Variants in PTPRN2 observed in about 807,000 individuals in gnomAD.
The protein encoded by PTPRN2 is protein tyrosine phosphatase receptor type N2, also known as receptor-type tyrosine-protein phosphatase N2.
In PTPRN2, 74 loss-of-function variants were observed where a neutral mutation model predicts 118.8. The observed-to-expected ratio is 0.62, with a 90% confidence interval of 0.52 to 0.76. PTPRN2 has a LOEUF of 0.76. Among genes scored for constraint, PTPRN2 ranks in the 30% least tolerant of loss-of-function variants. The pLI is 0.00. For missense variants in PTPRN2, 1,481 were observed against 1,394.4 expected, an observed-to-expected ratio of 1.06 and a Z score of -0.99; for synonymous variants, 641 against 608.0, an observed-to-expected ratio of 1.05 and a Z score of -0.80.
chr7:157,757,127 C>A (rs1563076947), intron 12 of PTPRN2, among the ~76,000 whole-genome samples: 1 of 152,144 alleles, frequency 6.6e-6, no homozygotes. Flanking sequence ...CCCCCACCCC[C>A]TAAAGAGATC....
intron 12 of PTPRN2, among the ~76,000 whole-genome samples, chr7:157,768,907 C>T (rs1482172781): frequency 1.3e-5 from 2 of 152,146 alleles, no homozygotes; most frequent in South Asian, 2.1e-4. Context: ...TCGGCGAAGT[C>T]GACACACACA....
rs1438637928 is a variant in PTPRN2 at position 157,881,958 on chromosome 7, G to T, written c.1788+16715C>A. Among the ~76,000 whole-genome samples the T allele has an allele frequency of 1.3e-5, 2 of 152,126 alleles. No homozygotes were observed. Among genetic ancestry groups the T allele is most frequent in the Non-Finnish European group, 2.9e-5 (2 of 68,024 alleles). ...GATGAGAACACATCACCCCAAAAAT[G>T]ACTGTCATACATCAGAACATGCCAC... On this transcript the variant is annotated intron_variant, in intron 12 of 22. Transcript: ENST00000389418. This position sits in a 1 kb window ranked among gnomAD's most constrained non-coding sequence, Gnocchi z 4.7.
chr7:157,920,324 A>G (rs552462449), intron 11 of PTPRN2, among the ~76,000 whole-genome samples: 36 of 152,368 alleles, frequency 2.4e-4, no homozygotes, highest in African/African-American at 8.2e-4. Flanking sequence ...GTGACTGGAA[A>G]GTTCTCTCAA....
At chr7:158,092,630 TAGTC>T (rs1304226184) in intron 10 of PTPRN2, among the ~76,000 whole-genome samples, 3 of 152,286 alleles carry the variant, frequency 2.0e-5, no homozygotes, top group Admixed American at 6.5e-5. Flanking sequence ...TTCTGTTTCT[TAGTC>T]AGTATTATGT....
At chr7:157,564,200 C>T (rs1351580831) in intron 21 of PTPRN2, among the ~76,000 whole-genome samples, 1 of 152,208 alleles carries the variant, frequency 6.6e-6, no homozygotes, top group Non-Finnish European at 1.5e-5. Flanking sequence ...GGTGCGATCT[C>T]AGGTCACTGC....
intron 6 of PTPRN2, among the ~76,000 whole-genome samples, chr7:158,160,291 G>T (rs894583513): frequency 7.2e-5 from 11 of 152,254 alleles, no homozygotes; most frequent in African/African-American, 2.6e-4. Flanking sequence ...CCTCAGTGTT[G>T]GTGGGCGGGC....
intron 13 of PTPRN2, among the ~76,000 whole-genome samples, chr7:157,682,508 A>G (rs546921753): frequency 6.6e-6 from 1 of 152,326 alleles, no homozygotes; most frequent in African/African-American, 2.4e-5. Context: ...ACACGAGGCT[A>G]TCCAAGAAGA....
chr7:158,319,474 A>AGCCTCTCACACACACAC (rs1256486494), intron 2 of PTPRN2, among the ~76,000 whole-genome samples: 3 of 54,446 alleles, frequency 5.5e-5, no homozygotes, highest in African/African-American at 2.4e-4. Context: ...CCTCACACAC[A>AGCCTCTCACACACACAC]AGCACAGCCT....
chr7:158,306,631 A>C (rs4909174), intron 3 of PTPRN2, among the ~76,000 whole-genome samples: 138,522 of 152,224 alleles, frequency 0.91, 63,341 homozygotes, highest in Non-Finnish European at 0.96. Flanking sequence ...AAGCAAGCAA[A>C]CAACAATAAA....
rs1804730645 is a variant in PTPRN2 at position 157,794,343 on chromosome 7, G to T, written c.1788+104330C>A. The stretch of plus-strand genomic sequence containing the variant: ...GCTCACACCTCCCTGCTCCACCCAG[G>T]CTGCCTGCACTTCCGGTTCTGCGTC... On this transcript the variant is annotated intron_variant, in intron 12 of 22. Transcript: ENST00000389418. This position sits in a 1 kb window ranked among gnomAD's most constrained non-coding sequence, Gnocchi z 5.2. Among the ~76,000 whole-genome samples, 1 of 149,218 alleles carries T rather than the reference G, an allele frequency of 6.7e-6. No homozygotes were observed. Among genetic ancestry groups the T allele is most frequent in the African/African-American group, 2.6e-5 (1 of 38,922 alleles).
chr7:157,584,295 C>T (rs1800545141), intron 17 of PTPRN2, among the ~76,000 whole-genome samples: 1 of 152,208 alleles, frequency 6.6e-6, no homozygotes, highest in African/African-American at 2.4e-5. Flanking sequence ...GCCCGTATGT[C>T]TTTCCTCTAC....
At chr7:157,926,165 T>TA (rs1798978532) in intron 11 of PTPRN2, among the ~76,000 whole-genome samples, 37 of 29,406 alleles carry the variant, frequency 1.3e-3, no homozygotes, top group East Asian at 5.8e-3. Context: ...CCTCTATCTG[T>TA]CCACTGATAA....
intron 10 of PTPRN2, among the ~76,000 whole-genome samples, chr7:158,083,510 C>T (rs1232494643): frequency 6.6e-6 from 1 of 152,160 alleles, no homozygotes; most frequent in Non-Finnish European, 1.5e-5. Flanking sequence ...AAAGTTTTCT[C>T]TAAAGGCTGT....
intron 9 of PTPRN2, among the ~76,000 whole-genome samples, chr7:158,130,352 G>A (rs967948646): frequency 7.3e-5 from 11 of 151,054 alleles, no homozygotes; most frequent in Non-Finnish European, 1.3e-4. Context: ...ACATCTACCC[G>A]ACACACACAC....
chr7:158,342,886 A>T (rs1199703339), intron 2 of PTPRN2, among the ~76,000 whole-genome samples: 8 of 151,960 alleles, frequency 5.3e-5, no homozygotes, highest in Non-Finnish European at 1.0e-4. Flanking sequence ...AAGATCCAGG[A>T]AATATTAAGT....
chr7:158,177,093 G>A (rs1352401028), intron 5 of PTPRN2, among the ~76,000 whole-genome samples: 1 of 152,184 alleles, frequency 6.6e-6, no homozygotes, highest in African/African-American at 2.4e-5. Context: ...GTGAATGCAG[G>A]CGTCCCTCCT....
chr7:158,269,841 G>A (rs1174436933), intron 3 of PTPRN2, among the ~76,000 whole-genome samples: 1 of 151,702 alleles, frequency 6.6e-6, no homozygotes, highest in Admixed American at 6.6e-5. Context: ...GAGGGATAGG[G>A]AGTCGGAGAC....
rs1803704213 is a variant in PTPRN2, at chr7:157,781,943, C to A, written c.1789-99006G>T. Among the ~76,000 whole-genome samples, 3 of 152,210 alleles carry A rather than the reference C, an allele frequency of 2.0e-5. No individual in the cohort carries two copies. The South Asian group carries it at 6.2e-4, about 31-fold the overall frequency. On this transcript the variant is annotated intron_variant, in intron 12 of 22. Transcript: ENST00000389418. ...CCCACACAGCAGCTTCAGGCAGATG[C>A]CCATATGCCTGAGAAGCTTCCTGCA...
chr7:158,206,145 C>G (rs1033666805), intron 3 of PTPRN2, among the ~76,000 whole-genome samples: 9 of 152,182 alleles, frequency 5.9e-5, no homozygotes, highest in African/African-American at 2.2e-4. Flanking sequence ...CTAGGCAGCA[C>G]AGCTCACAGC....
Sources: gnomAD v4.1 joint callset for allele counts (sites outside exome capture counted in the v4.1 genomes callset) on GRCh38, gnomAD v4.1.1 for gene constraint, Gnocchi (gnomAD v3.1) non-coding constraint, MANE v1.5 for transcripts, NCBI Gene and HGNC (gene_info 2026-07-23, HGNC 2026-07-21) for gene names.